DPYSL3: variants seen among roughly 807,000 people sequenced by gnomAD.
DPYSL3 encodes dihydropyrimidinase like 3.
A neutral mutation model predicts 66.1 loss-of-function variants in DPYSL3; 16 were observed. The ratio of observed to expected loss-of-function variants is 0.24; its 90% CI spans 0.16 to 0.37. DPYSL3 has a LOEUF of 0.37. Ranked by LOEUF, DPYSL3 falls within the 10% of genes least tolerant of loss-of-function variation. DPYSL3 has a pLI of 1.00. For missense variants in DPYSL3, 738 were observed against 916.2 expected (o/e 0.81, Z 2.51); for synonymous variants, 338 against 345.1 (o/e 0.98, Z 0.23).
At chr5:147,403,887 AT>A (rs1465611814) in intron 8 of DPYSL3, among the ~76,000 whole-genome samples, 17 of 152,300 alleles carry the variant, frequency 1.1e-4, no homozygotes, top group African/African-American at 3.8e-4. Flanking sequence ...TCGCCAGAGA[AT>A]TATGTGCCAA....
intron 1 of DPYSL3, among the ~76,000 whole-genome samples, chr5:147,500,839 G>T (rs1753596182): frequency 6.6e-6 from 1 of 152,178 alleles, no homozygotes; most frequent in Non-Finnish European, 1.5e-5. Flanking sequence ...AAGATGTGGA[G>T]CAACAAGAAT....
intron 1 of DPYSL3, among the ~76,000 whole-genome samples, chr5:147,469,490 G>C (rs1337718387): frequency 6.6e-6 from 1 of 152,168 alleles, no homozygotes; most frequent in African/African-American, 2.4e-5. Flanking sequence ...TGAAGATTAG[G>C]TAAAATGTTG....
At chr5:147,467,591 A>G (rs192614944) in intron 1 of DPYSL3, among the ~76,000 whole-genome samples, 25 of 152,310 alleles carry the variant, frequency 1.6e-4, no homozygotes, top group African/African-American at 6.0e-4. Context: ...ATTAATGCAT[A>G]TTTTAACAAG....
intron 1 of DPYSL3, among the ~76,000 whole-genome samples, chr5:147,440,101 G>A (rs1055299261): frequency 2.6e-5 from 4 of 152,108 alleles, no homozygotes; most frequent in Non-Finnish European, 5.9e-5. Flanking sequence ...AGGAGATCGA[G>A]CCCATCCTGG....
At chr5:147,412,209 T>C (rs1751868583) in intron 6 of DPYSL3, among the ~76,000 whole-genome samples, 1 of 152,226 alleles carries the variant, frequency 6.6e-6, no homozygotes, top group Non-Finnish European at 1.5e-5. Context: ...TCCACAGACT[T>C]GGATCCAATC....
At chr5:147,416,921 T>C (rs922347729) in intron 3 of DPYSL3, among the ~76,000 whole-genome samples, 2 of 152,136 alleles carry the variant, frequency 1.3e-5, no homozygotes, top group Admixed American at 6.6e-5. Context: ...AATGCAAAGA[T>C]ACCCATGACA....
At chr5:147,484,856 T>C (rs544509881) in intron 1 of DPYSL3, among the ~76,000 whole-genome samples, 42 of 152,280 alleles carry the variant, frequency 2.8e-4, no homozygotes, top group African/African-American at 1.0e-3. Flanking sequence ...GAAATGCTTA[T>C]TTAGAGACAA....
chr5:147,411,356 C>A (rs1489403739), intron 6 of DPYSL3, among the ~76,000 whole-genome samples: 2 of 152,150 alleles, frequency 1.3e-5, no homozygotes, highest in East Asian at 3.9e-4. Context: ...TGGAGCCCTG[C>A]ATGGCTGGGG....
chr5:147,495,134 T>G (rs1753480499), intron 1 of DPYSL3, among the ~76,000 whole-genome samples: 1 of 151,580 alleles, frequency 6.6e-6, no homozygotes, highest in South Asian at 2.1e-4. Context: ...ATTTAGGGAG[T>G]AAATTATGCC....
chr5:147,496,553 G>C (rs1259796731), intron 1 of DPYSL3, among the ~76,000 whole-genome samples: 2 of 151,538 alleles, frequency 1.3e-5, no homozygotes, highest in East Asian at 1.9e-4. Flanking sequence ...AAATTTACAA[G>C]AAAAAAACAA....
At chr5:147,480,897 T>C (rs1753229438) in intron 1 of DPYSL3, among the ~76,000 whole-genome samples, 1 of 151,952 alleles carries the variant, frequency 6.6e-6, no homozygotes, top group Admixed American at 6.6e-5. Context: ...TCATTTTGTA[T>C]TTTTAGTAGA....
At position 147,391,759 on chromosome 5, in the gene DPYSL3, GAAGA is replaced by G. The variant is rs1198315750; in HGVS notation, c.*2272_*2275del. 2 of 152,212 alleles carry G rather than the reference GAAGA, an allele frequency of 1.3e-5. No individual in the cohort carries two copies. Among genetic ancestry groups the G allele is most frequent in the Non-Finnish European group, 2.9e-5 (2 of 68,046 alleles). The allele number at this position is 152,212 out of a possible 1,614,324, so 9.4% of individuals were successfully genotyped here. A position where few individuals can be genotyped will look rare whatever the true frequency, so the allele number is the denominator to read the frequency against. On this transcript the variant is annotated 3_prime_UTR_variant, in exon 14 of 14. Coordinates refer to ENST00000343218, the MANE Select transcript of DPYSL3 (RefSeq NM_001197294.2). ...GCTTGGAGAGTTAGTAATGGTAAGTGAAGAAAGAGAGGCTTCCTGAGCTCATGTT... is the reference window on the plus strand; with the variant it reads ...GCTTGGAGAGTTAGTAATGGTAAGTGAAGAGAGGCTTCCTGAGCTCATGTT...
intron 1 of DPYSL3, among the ~76,000 whole-genome samples, chr5:147,501,478 AT>A (rs749216433): frequency 0.051 from 4,668 of 90,940 alleles, 221 homozygotes; most frequent in East Asian, 0.16. Context: ...GGTGATAATG[AT>A]TTTTTTTTTT....
At chr5:147,501,033 A>G (rs1753599704) in intron 1 of DPYSL3, among the ~76,000 whole-genome samples, 1 of 151,930 alleles carries the variant, frequency 6.6e-6, no homozygotes, top group Non-Finnish European at 1.5e-5. Context: ...TGTTTATAGC[A>G]GCTTTATTCA....
intron 10 of DPYSL3, among the ~76,000 whole-genome samples, chr5:147,399,866 C>T (rs1039762097): frequency 1.3e-5 from 2 of 152,130 alleles, no homozygotes; most frequent in African/African-American, 4.8e-5. Flanking sequence ...AAAAAGGAAA[C>T]ACTATGTGAG....
intron 12 of DPYSL3, 61 bp from the exon 13 acceptor site, chr5:147,395,782 G>A: frequency 6.3e-7 from 1 of 1,586,998 alleles, no homozygotes; most frequent in South Asian, 1.1e-5. Context: ...TCTGTTCTAG[G>A]TATCATAAAT....
At chr5:147,454,968 A>C (rs1752818676) in intron 1 of DPYSL3, among the ~76,000 whole-genome samples, 1 of 152,184 alleles carries the variant, frequency 6.6e-6, no homozygotes, top group South Asian at 2.1e-4. Flanking sequence ...TATGCAAAAA[A>C]AATTATAAAA....
In DPYSL3 at chr5:147,509,078, G is replaced by T. The variant is rs1162567743; in HGVS notation, c.381+400C>A. ...TTTGCCCTCTGCCGTGGTGACCCGG[G>T]TTGAGATTTAATCTAGGGCCAGAGG... On this transcript the variant is annotated intron_variant, in intron 1 of 13. Transcript: ENST00000343218. This position sits in a 1 kb window ranked among gnomAD's most constrained non-coding sequence, Gnocchi z 5.3. 6.6e-6 allele frequency among the ~76,000 whole-genome samples: 1 copy of T among 152,152 alleles called. No homozygotes were observed. Among genetic ancestry groups the T allele is most frequent in the East Asian group, 1.9e-4 (1 of 5,174 alleles).
intron 9 of DPYSL3, 150 bp downstream of exon 9, chr5:147,401,390 C>T (rs540518949): frequency 3.6e-5 from 31 of 864,444 alleles, no homozygotes; most frequent in African/African-American, 1.2e-4. Flanking sequence ...CTGCTTTCTA[C>T]GCTCAAGACT....
Sources: allele counts gnomAD v4.1 joint callset (sites outside exome capture counted in the v4.1 genomes callset), GRCh38; gene constraint gnomAD v4.1.1; non-coding constraint Gnocchi (gnomAD v3.1); transcripts MANE v1.5; gene names NCBI Gene and HGNC (gene_info 2026-07-23, HGNC 2026-07-21).